The following EYS variants were observed in gnomAD, a reference collection of about 807,000 sequenced individuals.
EYS encodes the protein EGF-like photoreceptor maintenance factor, also known as protein eyes shut homolog.
In EYS, 250 loss-of-function variants were observed where a neutral mutation model predicts 282.1. The ratio of observed to expected loss-of-function variants is 0.89; its 90% CI spans 0.80 to 0.98. The LOEUF is 0.98. EYS is among the 50% of genes least tolerant of loss of function. The pLI is 0.00. For missense variants in EYS, 4,016 were observed against 3,709.0 expected, an observed-to-expected ratio of 1.08 and a Z score of -2.15; for synonymous variants, 1,355 against 1,282.9, an observed-to-expected ratio of 1.06 and a Z score of -1.20.
At chr6:64,853,685 T>C (rs1393478473) in intron 19 of EYS, among the ~76,000 whole-genome samples, 1 of 152,120 alleles carries the variant, frequency 6.6e-6, no homozygotes, top group Non-Finnish European at 1.5e-5. Context: ...ATTCAGGACA[T>C]AGGCATGGGC....
intron 19 of EYS, among the ~76,000 whole-genome samples, chr6:64,880,847 C>T (rs1766893232): frequency 6.7e-6 from 1 of 149,602 alleles, no homozygotes; most frequent in South Asian, 2.1e-4. Context: ...TACACACACA[C>T]ATATATTTCT....
At chr6:65,261,104 A>G (rs539868138) in intron 12 of EYS, among the ~76,000 whole-genome samples, 8 of 152,036 alleles carry the variant, frequency 5.3e-5, no homozygotes, top group Non-Finnish European at 1.2e-4. Context: ...TTCAGAATGC[A>G]TTACGAACAT....
At position 65,177,081 on chromosome 6, in the gene EYS, A is replaced by C. The variant is rs554881944; in HGVS notation, c.2023+118782T>G. 2.2e-4 allele frequency among the ~76,000 whole-genome samples: 34 copies of C among 151,884 alleles called. No individual in the cohort carries two copies. In the Middle Eastern group the frequency reaches 0.01, roughly 46 times the overall value. On this transcript the variant is annotated intron_variant, in intron 12 of 42. Coordinates refer to ENST00000503581, the MANE Select transcript of EYS (RefSeq NM_001142800.2). ...TGTATAAACATAACATTAATTTGTG[A>C]GTGTTTCAATTAACTAAGGGAATTT...
intron 12 of EYS, among the ~76,000 whole-genome samples, chr6:65,216,742 A>G (rs1766323674): frequency 6.6e-6 from 1 of 151,806 alleles, no homozygotes; most frequent in Non-Finnish European, 1.5e-5. Context: ...TAAAAACACA[A>G]TCTTAAACTG....
At chr6:65,411,257 T>C (rs1216943185) in intron 5 of EYS, among the ~76,000 whole-genome samples, 1 of 152,068 alleles carries the variant, frequency 6.6e-6, no homozygotes, top group Non-Finnish European at 1.5e-5. Context: ...TTTGGCTTCT[T>C]CCAGAAACAA....
intron 36 of EYS, among the ~76,000 whole-genome samples, chr6:63,853,331 C>T (rs572042703): frequency 7.9e-5 from 12 of 152,200 alleles, no homozygotes; most frequent in Non-Finnish European, 1.2e-4. Context: ...AATTCCTATA[C>T]GTCAATAATA....
chr6:63,882,344 C>A (rs1341631021), intron 35 of EYS, among the ~76,000 whole-genome samples: 1 of 152,182 alleles, frequency 6.6e-6, no homozygotes, highest in Non-Finnish European at 1.5e-5. Flanking sequence ...CCATTTGCCA[C>A]AGGCAAAACT....
intron 14 of EYS, among the ~76,000 whole-genome samples, chr6:64,953,792 G>A (rs1185139668): frequency 6.6e-6 from 1 of 151,818 alleles, no homozygotes; most frequent in Non-Finnish European, 1.5e-5. Flanking sequence ...TACAATGAGT[G>A]ATACTTTCAA....
chr6:64,286,549 C>A (rs1019596686), intron 30 of EYS, among the ~76,000 whole-genome samples: 8 of 152,044 alleles, frequency 5.3e-5, no homozygotes, highest in African/African-American at 1.7e-4. Flanking sequence ...TTTAGCTGCC[C>A]TGCTTTGCAC....
rs1335072076 is a variant in EYS at position 65,295,591 on chromosome 6, C to A, written c.2023+272G>T. 3.3e-5 allele frequency among the ~76,000 whole-genome samples: 5 copies of A among 151,892 alleles called. No individual in the cohort carries two copies. The East Asian group carries it at 9.7e-4, about 29-fold the overall frequency. On this transcript the variant is annotated intron_variant, in intron 12 of 42. Transcript: ENST00000503581. ...ATGGCTGCCTGTTTTTCCCTTCAGACCTTTGACATATACCATCATATTCCC... is the reference window on the plus strand; with the variant it reads ...ATGGCTGCCTGTTTTTCCCTTCAGAACTTTGACATATACCATCATATTCCC...
At chr6:64,744,960 G>GA (rs909701487) in intron 22 of EYS, among the ~76,000 whole-genome samples, 42 of 152,144 alleles carry the variant, frequency 2.8e-4, no homozygotes, top group African/African-American at 9.6e-4. Context: ...GAACAGTTAT[G>GA]AAAAAATTTC....
chr6:65,008,505 C>T (rs563969167), intron 13 of EYS, among the ~76,000 whole-genome samples: 12 of 152,264 alleles, frequency 7.9e-5, no homozygotes, highest in East Asian at 5.8e-4. Context: ...CTCAGGCAAG[C>T]GGACTTCGGA....
In EYS at chr6:65,475,084, A is replaced by G. The variant is rs1765348805; in HGVS notation, c.862+15510T>C. 2.6e-5 allele frequency among the ~76,000 whole-genome samples: 4 copies of G among 152,266 alleles called. No homozygotes were observed. The South Asian group carries it at 8.3e-4, about 32-fold the overall frequency. ...CAAAAGTATTTTATCAGCATTCAAAATAAATTACTCAGAAAATTATAGTGT... is the reference window on the plus strand; with the variant it reads ...CAAAAGTATTTTATCAGCATTCAAAGTAAATTACTCAGAAAATTATAGTGT... On this transcript the variant is annotated intron_variant, in intron 5 of 42. Transcript: ENST00000503581.
intron 15 of EYS, among the ~76,000 whole-genome samples, chr6:64,913,860 C>T (rs189946392): frequency 2.3e-4 from 35 of 152,024 alleles, no homozygotes; most frequent in Admixed American, 7.2e-4. Flanking sequence ...GAACTAAATT[C>T]GTATTAATAT....
chr6:65,382,469 G>GTGTC (rs142132895), intron 8 of EYS, among the ~76,000 whole-genome samples: 1,777 of 147,164 alleles, frequency 0.012, 15 homozygotes, highest in Middle Eastern at 0.021. Flanking sequence ...GTGTGTGTGT[G>GTGTC]TGTGTGTGTG....
At chr6:64,369,572 T>A (rs1421137693) in intron 29 of EYS, among the ~76,000 whole-genome samples, 1 of 152,158 alleles carries the variant, frequency 6.6e-6, no homozygotes, top group Non-Finnish European at 1.5e-5. Context: ...GTTTCTGTCA[T>A]CCTTGGTTTC....
intron 22 of EYS, among the ~76,000 whole-genome samples, chr6:64,704,088 AC>A (rs1207953680): frequency 6.6e-6 from 1 of 151,984 alleles, no homozygotes; most frequent in East Asian, 1.9e-4. Context: ...TTTAAAAAAA[AC>A]TTCAGTGAAA....
In EYS at chr6:64,591,331, A is replaced by G. The variant is rs2149832024; in HGVS notation, c.4536T>C (p.Ala1512=). 1 of 1,551,422 alleles carries G rather than the reference A, an allele frequency of 6.4e-7. No individual in the cohort carries two copies. The highest frequency in any genetic ancestry group is 8.7e-7 in the Non-Finnish European group (1 of 1,146,808). Residue 1512 remains alanine, a synonymous_variant, in exon 26 of 43, where the codon GCT becomes GCC. Transcript: ENST00000503581. The stretch of plus-strand genomic sequence containing the variant: ...AGGCTTTTGTACTGAACCGGTGCAG[A>G]GCTGATGAGTTTAAGATGGTTACCT... ...SKQVTILNSS[A]LHRFSTKAFN... is the part of the protein sequence containing the mutation.
Position 64,307,037 on chromosome 6 carries a change from C to G in EYS, c.6124G>C (p.Glu2042Gln), listed in dbSNP as rs752724052. Reference sequence around the variant, plus strand: ...ATGAAAGATCTCCAGTTATTTATTTCTATAACTTCTATGCAGCCAGTAAAA... The same window carrying G: ...ATGAAAGATCTCCAGTTATTTATTTGTATAACTTCTATGCAGCCAGTAAAA... ...KNFTGCIEVI[E>Q]INNWRSFIPS... Residue 2042 changes from glutamate to glutamine, a missense_variant, in exon 30 of 43, where the codon GAA (glutamate) becomes CAA (glutamine). Physicochemically the swap from Glu to Gln is conservative, Grantham distance 29. Transcript: ENST00000503581. The G allele has an allele frequency of 3.2e-6, 5 of 1,542,994 alleles. No individual in the cohort carries two copies. Among genetic ancestry groups the G allele is most frequent in the Non-Finnish European group, 4.4e-6 (5 of 1,140,152 alleles).
Sources: gnomAD v4.1 joint callset for allele counts (sites outside exome capture counted in the v4.1 genomes callset) on GRCh38, gnomAD v4.1.1 for gene constraint, MANE v1.5 for transcripts, NCBI Gene and HGNC (gene_info 2026-07-23, HGNC 2026-07-21) for gene names.